Variants in APBA2 observed in about 807,000 individuals in gnomAD.
APBA2 encodes amyloid-beta A4 precursor protein-binding family A member 2.
In APBA2, 30 loss-of-function variants were observed where a neutral mutation model predicts 75.0. That is an observed-to-expected ratio of 0.40 (90% CI 0.30 to 0.54). The LOEUF is 0.54. Among genes scored for constraint, APBA2 ranks in the 20% least tolerant of loss-of-function variants. The pLI is 0.49. For synonymous variants in APBA2, 444 were observed against 409.6 expected (o/e 1.08, Z -1.01); for missense variants, 801 against 1,016.1 (o/e 0.79, Z 2.88).
At chr15:28,909,041 C>T in intron 1 of APBA2, among the ~76,000 whole-genome samples, 1 of 147,444 alleles carries the variant, frequency 6.8e-6, no homozygotes, top group Non-Finnish European at 1.5e-5. Flanking sequence ...GGCTGGAGTG[C>T]AGTGGTGCAA....
rs765816883 is a variant in APBA2, at chr15:29,054,261, C to T, written c.377C>T (p.Ala126Val). ...CNGEEYLAHS[A>V]HPVDTDECQE... is the part of the protein sequence containing the mutation. ...GGGGAGGAGTACCTGGCCCACAGTGCACACCCTGTGGACACTGATGAGTGC... is the reference window on the plus strand; with the variant it reads ...GGGGAGGAGTACCTGGCCCACAGTGTACACCCTGTGGACACTGATGAGTGC... Residue 126 changes from alanine (A) to valine (V), a missense_variant, in exon 4 of 15, where the codon GCA (alanine) becomes GTA (valine). Physicochemically the swap from Ala to Val is moderately conservative, Grantham distance 64. This residue lies in a region of APBA2 where 434 missense variants were observed against 471.6 expected (regional missense o/e 0.92). Coordinates refer to ENST00000683413, the MANE Select transcript of APBA2 (RefSeq NM_001353788.2). The surrounding 1 kb of genome is among the most constrained non-coding windows in gnomAD (Gnocchi z 6.1). 1 of 1,614,130 alleles carries T rather than the reference C, an allele frequency of 6.2e-7. No homozygotes were observed. Among genetic ancestry groups the T allele is most frequent in the East Asian group, 2.2e-5 (1 of 44,848 alleles).
chr15:29,086,382 T>A (rs80218913), intron 6 of APBA2, among the ~76,000 whole-genome samples: 1 of 152,236 alleles, frequency 6.6e-6, no homozygotes, highest in African/African-American at 2.4e-5. Context: ...CGGTTGTTGT[T>A]TTGAGCCACT....
chr15:29,093,286 T>C, intron 7 of APBA2, 66 bp downstream of exon 7: 1 of 1,593,688 alleles, frequency 6.3e-7, no homozygotes, highest in Non-Finnish European at 8.5e-7. Context: ...CAGGAGGGAA[T>C]ATGGCGGGGC....
intron 10 of APBA2, among the ~76,000 whole-genome samples, chr15:29,104,333 G>A (rs1309548800): frequency 6.6e-6 from 1 of 152,328 alleles, no homozygotes; most frequent in Middle Eastern, 3.4e-3. Flanking sequence ...CCCCGCTGTG[G>A]GCTGAGGCGT....
intron 1 of APBA2, among the ~76,000 whole-genome samples, chr15:28,898,572 TAGG>T (rs1403350796): frequency 6.6e-6 from 1 of 152,134 alleles, no homozygotes; most frequent in Non-Finnish European, 1.5e-5. Flanking sequence ...ATGGTACTGA[TAGG>T]AGGCCCAGGG....
intron 3 of APBA2, among the ~76,000 whole-genome samples, chr15:29,039,634 A>G (rs1057393854): frequency 6.6e-6 from 1 of 152,174 alleles, no homozygotes; most frequent in Non-Finnish European, 1.5e-5. Context: ...CCCGAGGACC[A>G]CAGCCTGCCA....
intron 13 of APBA2, among the ~76,000 whole-genome samples, chr15:29,112,211 TC>T: frequency 6.6e-6 from 1 of 152,180 alleles, no homozygotes; most frequent in Non-Finnish European, 1.5e-5. Context: ...CCCCTCAGCC[TC>T]CATGTGCCTG....
rs376006821 is a variant in APBA2, at chr15:29,045,959, C to G, written c.-40-7886C>G. 9.9e-5 allele frequency among the ~76,000 whole-genome samples: 15 copies of G among 152,256 alleles called. 1 individual carries two copies. Among genetic ancestry groups the G allele is most frequent in the African/African-American group, 3.1e-4 (13 of 41,558 alleles). The stretch of plus-strand genomic sequence containing the variant: ...TCCTGCCCTCCTACAGGGCAGCTGT[C>G]CCCATATAACAGTTGTATCCCTAGA... On this transcript the variant is annotated intron_variant, in intron 3 of 14. Transcript: ENST00000683413.
intron 10 of APBA2, among the ~76,000 whole-genome samples, chr15:29,102,917 C>T (rs1486467711): frequency 1.3e-5 from 2 of 151,382 alleles, no homozygotes; most frequent in Non-Finnish European, 2.9e-5. Context: ...AGGGTTCAAA[C>T]CTTTGGCTGG....
chr15:29,020,294 T>C (rs2039887031), intron 3 of APBA2, among the ~76,000 whole-genome samples: 1 of 149,738 alleles, frequency 6.7e-6, no homozygotes, highest in Non-Finnish European at 1.5e-5. Flanking sequence ...TTTTTTTTTT[T>C]CTCATCCAGG....
At chr15:28,973,135 C>T (rs1187165178) in intron 2 of APBA2, among the ~76,000 whole-genome samples, 1 of 152,214 alleles carries the variant, frequency 6.6e-6, no homozygotes, top group Non-Finnish European at 1.5e-5. Context: ...GTCCGGACTC[C>T]TGTGACCCTG....
At chr15:28,894,801 G>C (rs913717229) in intron 1 of APBA2, among the ~76,000 whole-genome samples, 3 of 151,694 alleles carry the variant, frequency 2.0e-5, no homozygotes, top group Non-Finnish European at 2.9e-5. Context: ...GAAGGACGCC[G>C]TTAGGGGCAT....
intron 1 of APBA2, among the ~76,000 whole-genome samples, chr15:28,894,831 G>A (rs1473622158): frequency 6.6e-6 from 1 of 151,990 alleles, no homozygotes; most frequent in African/African-American, 2.4e-5. Context: ...TGCATCTAGA[G>A]GCGAGGGGAG....
At chr15:29,040,092 G>T (rs1218744741) in intron 3 of APBA2, among the ~76,000 whole-genome samples, 1 of 152,188 alleles carries the variant, frequency 6.6e-6, no homozygotes, top group Non-Finnish European at 1.5e-5. Context: ...TGAAGATTAG[G>T]AGGGATCACT....
chr15:29,054,093 G>A lies in APBA2; in HGVS notation c.209G>A (p.Gly70Glu). The A allele has an allele frequency of 6.2e-7, 1 of 1,614,114 alleles. No individual in the cohort carries two copies. The highest frequency in any genetic ancestry group is 8.5e-7 in the Non-Finnish European group (1 of 1,180,036). Residue 70 changes from glycine (G) to glutamate (E), a missense_variant, in exon 4 of 15, where the codon GGG becomes GAG. This residue lies in a region of APBA2 where 434 missense variants were observed against 471.6 expected (regional missense o/e 0.92). Transcript: ENST00000683413. This position sits in a 1 kb window ranked among gnomAD's most constrained non-coding sequence, Gnocchi z 6.1. ...EQECHNHSPDGDSSSDYVNNT... is the reference protein window; with the variant it reads ...EQECHNHSPDEDSSSDYVNNT... ...GAGTGCCACAACCACAGCCCCGATG[G>A]GGACTCCAGCTCTGACTACGTGAAC...
chr15:29,111,649 G>A (rs938136691), intron 13 of APBA2, among the ~76,000 whole-genome samples: 61 of 152,092 alleles, frequency 4.0e-4, no homozygotes, highest in Admixed American at 3.9e-4. Flanking sequence ...TGCTCCATGA[G>A]TGCCCGTGGT....
chr15:28,991,910 C>T lies in APBA2; in HGVS notation c.-94-3843C>T, dbSNP rs8039082. ...CAAACCTGTGTGCCGAGTGCCAGCCCCTTAGCAAGTGCAGCGTTGCCCATT... is the reference window on the plus strand; with the variant it reads ...CAAACCTGTGTGCCGAGTGCCAGCCTCTTAGCAAGTGCAGCGTTGCCCATT... On this transcript the variant is annotated intron_variant, in intron 2 of 14. Transcript: ENST00000683413. The surrounding 1 kb of genome is among the most constrained non-coding windows in gnomAD (Gnocchi z 4.7). Among the ~76,000 whole-genome samples, 19,658 of 152,202 alleles carry T rather than the reference C, an allele frequency of 0.13. 3,917 individuals carry two copies. Among genetic ancestry groups the T allele is most frequent in the African/African-American group, 0.43 (17,766 of 41,484 alleles).
intron 3 of APBA2, among the ~76,000 whole-genome samples, chr15:29,006,536 A>G (rs1187094042): frequency 1.3e-5 from 2 of 152,214 alleles, no homozygotes; most frequent in African/African-American, 4.8e-5. Context: ...GGTAATTTAC[A>G]AAGGAAAGAG....
chr15:29,072,188 T>C (rs2152921558), intron 4 of APBA2, among the ~76,000 whole-genome samples: 1 of 152,268 alleles, frequency 6.6e-6, no homozygotes, highest in East Asian at 1.9e-4. Flanking sequence ...CATTTGCTGG[T>C]GGGCTGGTTG....
Sources: gnomAD v4.1 joint callset for allele counts (sites outside exome capture counted in the v4.1 genomes callset) on GRCh38, gnomAD v4.1.1 for gene constraint, gnomAD v4.1.1 regional missense constraint, Gnocchi (gnomAD v3.1) non-coding constraint, MANE v1.5 for transcripts, NCBI Gene and HGNC (gene_info 2026-07-23, HGNC 2026-07-21) for gene names.